The following TAFA2 variants were observed in gnomAD, a reference collection of about 807,000 sequenced individuals.
The protein encoded by TAFA2 is TAFA chemokine like family member 2.
Under a neutral mutation model 18.8 loss-of-function variants are expected in TAFA2, and 7 were observed. The ratio of observed to expected loss-of-function variants is 0.37; its 90% CI spans 0.21 to 0.70. The LOEUF (loss-of-function observed/expected upper bound fraction) is 0.70. TAFA2 is among the 30% of genes least tolerant of loss of function. The pLI, the probability that TAFA2 is intolerant of heterozygous loss-of-function variation, is 0.53. For missense variants in TAFA2, 122 were observed against 158.1 expected (o/e 0.77, Z 1.23); for synonymous variants, 60 against 54.2 (o/e 1.11, Z -0.47).
At chr12:62,005,103 G>C (rs991873395) in intron 1 of TAFA2, among the ~76,000 whole-genome samples, 1 of 151,934 alleles carries the variant, frequency 6.6e-6, no homozygotes, top group Non-Finnish European at 1.5e-5. Flanking sequence ...AATATAGAAA[G>C]CTAATGTGTA....
intron 1 of TAFA2, among the ~76,000 whole-genome samples, chr12:62,120,456 A>G (rs1870142605): frequency 6.6e-6 from 1 of 152,246 alleles, no homozygotes; most frequent in Non-Finnish European, 1.5e-5. Flanking sequence ...ATTTCCAGAC[A>G]TGCTTCAGAC....
chr12:62,018,212 C>T (rs1881002444), intron 1 of TAFA2, among the ~76,000 whole-genome samples: 1 of 152,176 alleles, frequency 6.6e-6, no homozygotes, highest in Non-Finnish European at 1.5e-5. Flanking sequence ...CCCATCCCTC[C>T]AGGTAAACTC....
chr12:62,156,921 G>T (rs1186191878), intron 1 of TAFA2, among the ~76,000 whole-genome samples: 1 of 152,068 alleles, frequency 6.6e-6, no homozygotes, highest in Non-Finnish European at 1.5e-5. Context: ...ATTCACTATG[G>T]TCTATAATTT....
intron 1 of TAFA2, among the ~76,000 whole-genome samples, chr12:61,887,871 T>C (rs1875458163): frequency 6.6e-6 from 1 of 151,880 alleles, no homozygotes; most frequent in South Asian, 2.1e-4. Context: ...TCTTTGCTAT[T>C]GTGAATAATA....
At chr12:61,753,551 G>T in intron 4 of TAFA2, 71 bp downstream of exon 4, 4 of 1,375,102 alleles carry the variant, frequency 2.9e-6, no homozygotes, top group East Asian at 2.4e-5. Context: ...CACTTAAATT[G>T]GTTACTGCAC....
intron 1 of TAFA2, among the ~76,000 whole-genome samples, chr12:61,880,948 C>G (rs1875106225): frequency 6.6e-6 from 1 of 152,130 alleles, no homozygotes; most frequent in African/African-American, 2.4e-5. Context: ...CCCCATACCT[C>G]CAGCTACAAA....
chr12:61,838,415 C>G (rs993684786), intron 2 of TAFA2, among the ~76,000 whole-genome samples: 1 of 151,956 alleles, frequency 6.6e-6, no homozygotes, highest in African/African-American at 2.4e-5. Context: ...CTCACATAAG[C>G]AGGCAAAAGG....
chr12:62,172,004 C>G (rs901759069), intron 1 of TAFA2, among the ~76,000 whole-genome samples: 1 of 152,146 alleles, frequency 6.6e-6, no homozygotes, highest in Non-Finnish European at 1.5e-5. Flanking sequence ...GGAAAATGGT[C>G]AGAGTGTATC....
intron 2 of TAFA2, among the ~76,000 whole-genome samples, chr12:61,861,277 T>A (rs1279574499): frequency 1.4e-5 from 2 of 146,288 alleles, no homozygotes; most frequent in African/African-American, 2.6e-5. Flanking sequence ...TTTTTTTTTT[T>A]AAGAGAAAGG....
At chr12:61,788,075 C>A (rs1017193589) in intron 2 of TAFA2, among the ~76,000 whole-genome samples, 3 of 151,428 alleles carry the variant, frequency 2.0e-5, no homozygotes, top group African/African-American at 7.3e-5. Context: ...ATAAAATAGA[C>A]TCCAAGTCAA....
At chr12:61,813,121 C>T (rs1053055350) in intron 2 of TAFA2, among the ~76,000 whole-genome samples, 6 of 151,252 alleles carry the variant, frequency 4.0e-5, no homozygotes, top group East Asian at 1.9e-4. Flanking sequence ...TAAAAATGCC[C>T]GATTACTAGA....
chr12:61,879,060 C>T (rs908967040), intron 1 of TAFA2, among the ~76,000 whole-genome samples: 17 of 152,156 alleles, frequency 1.1e-4, no homozygotes, highest in Admixed American at 6.5e-4. Context: ...TGTGGCTCAA[C>T]GCTTTGGAAG....
intron 1 of TAFA2, among the ~76,000 whole-genome samples, chr12:62,247,873 A>G (rs958795199): frequency 2.6e-5 from 4 of 152,208 alleles, no homozygotes; most frequent in Admixed American, 6.5e-5. Flanking sequence ...TGTTCAGAGA[A>G]ATAGTCACTG....
intron 1 of TAFA2, among the ~76,000 whole-genome samples, chr12:61,929,124 T>A (rs1219514202): frequency 6.6e-6 from 1 of 151,420 alleles, no homozygotes; most frequent in Non-Finnish European, 1.5e-5. Context: ...AACCTGCACG[T>A]TCTGCACATG....
At chr12:61,995,528 C>A (rs1880154957) in intron 1 of TAFA2, among the ~76,000 whole-genome samples, 1 of 152,094 alleles carries the variant, frequency 6.6e-6, no homozygotes, top group Non-Finnish European at 1.5e-5. Flanking sequence ...TATTAGAATA[C>A]AGCCTGGGAC....
intron 1 of TAFA2, among the ~76,000 whole-genome samples, chr12:62,122,580 T>G (rs1354753577): frequency 1.3e-5 from 2 of 152,216 alleles, no homozygotes; most frequent in African/African-American, 2.4e-5. Flanking sequence ...GTTAATAACT[T>G]GAGCTAGGTC....
At chr12:61,924,230 T>C (rs1407441371) in intron 1 of TAFA2, among the ~76,000 whole-genome samples, 1 of 151,924 alleles carries the variant, frequency 6.6e-6, no homozygotes, top group East Asian at 1.9e-4. Context: ...ATTCAGGAAA[T>C]ACAGAGAACA....
chr12:62,129,619 C>A (rs1163873083), intron 1 of TAFA2, among the ~76,000 whole-genome samples: 1 of 151,942 alleles, frequency 6.6e-6, no homozygotes, highest in Non-Finnish European at 1.5e-5. Context: ...TTTACTAAAT[C>A]CTAATTTAAT....
chr12:61,931,492 A>G (rs1171360297), intron 1 of TAFA2, among the ~76,000 whole-genome samples: 1 of 152,218 alleles, frequency 6.6e-6, no homozygotes, highest in African/African-American at 2.4e-5. Flanking sequence ...AGCATATTCT[A>G]CGGAAACAGT....
Sources: allele counts gnomAD v4.1 joint callset (sites outside exome capture counted in the v4.1 genomes callset), GRCh38; gene constraint gnomAD v4.1.1; transcripts MANE v1.5; gene names NCBI Gene and HGNC (gene_info 2026-07-23, HGNC 2026-07-21).